ITPR2: variants seen among roughly 807,000 people sequenced by gnomAD.
ITPR2 encodes the protein inositol 1,4,5-trisphosphate receptor type 2.
Under a neutral mutation model 317.1 loss-of-function variants are expected in ITPR2, and 207 were observed. The ratio of observed to expected loss-of-function variants is 0.65; its 90% CI spans 0.58 to 0.73. The LOEUF (loss-of-function observed/expected upper bound fraction) is 0.73. Ranked by LOEUF, ITPR2 falls within the 30% of genes least tolerant of loss-of-function variation. ITPR2 has a pLI of 0.00. For synonymous variants in ITPR2, 1,156 were observed against 1,149.1 expected, an observed-to-expected ratio of 1.01 and a Z score of -0.12; for missense variants, 2,613 against 3,284.0, an observed-to-expected ratio of 0.80 and a Z score of 4.99.
intron 52 of ITPR2, among the ~76,000 whole-genome samples, chr12:26,401,493 T>C (rs1940175550): frequency 6.6e-6 from 1 of 152,202 alleles, no homozygotes; most frequent in Admixed American, 6.5e-5. Context: ...TTAAAGGTAT[T>C]GGGATCCAAC....
At chr12:26,632,268 A>C (rs889306839) in intron 21 of ITPR2, among the ~76,000 whole-genome samples, 1 of 152,242 alleles carries the variant, frequency 6.6e-6, no homozygotes, top group Non-Finnish European at 1.5e-5. Context: ...TTAAAAATGG[A>C]AATTTTCCTT....
At position 26,657,695 on chromosome 12, in the gene ITPR2, A is replaced by G. The variant is rs1392272449; in HGVS notation, c.2192+12T>C. On this transcript the variant is annotated intron_variant, in intron 18 of 56. Transcript: ENST00000381340. Reference sequence around the variant, plus strand: ...ACTGGGAATTATTGTAAGATTGTCTATAATACTTAACCTGTAATAGGTAAG... The same window carrying G: ...ACTGGGAATTATTGTAAGATTGTCTGTAATACTTAACCTGTAATAGGTAAG... 1.2e-5 allele frequency: 19 copies of G among 1,609,408 alleles called. No individual in the cohort carries two copies. The South Asian group carries it at 1.7e-4, about 14-fold the overall frequency.
chr12:26,792,337 A>G (rs1290227359), intron 1 of ITPR2, among the ~76,000 whole-genome samples: 1 of 151,724 alleles, frequency 6.6e-6, no homozygotes. Context: ...CTGTTACAAG[A>G]CATATATGAT....
rs114631050 is a variant in ITPR2, at chr12:26,740,608, T to G, written c.164-14843A>C. Among the ~76,000 whole-genome samples, 217 of 152,108 alleles carry G rather than the reference T, an allele frequency of 1.4e-3. 1 individual carries two copies. The highest frequency in any genetic ancestry group is 4.7e-3 in the African/African-American group (196 of 41,550). On this transcript the variant is annotated intron_variant, in intron 2 of 56. Coordinates refer to ENST00000381340, the MANE Select transcript of ITPR2 (RefSeq NM_002223.4). The stretch of plus-strand genomic sequence containing the variant: ...TGCTTTTATAGACTTCAATAAAAAC[T>G]CAAGGAAGATAAACTATTTACTGTG...
At chr12:26,439,087 A>G (rs756278398) in intron 47 of ITPR2, 40 bp downstream of exon 47, 1 of 1,287,400 alleles carries the variant, frequency 7.8e-7, no homozygotes, top group Non-Finnish European at 1.1e-6. Flanking sequence ...ATTATCTACC[A>G]CTATGCACAA....
chr12:26,785,171 T>TGGG (rs777528638), intron 2 of ITPR2, among the ~76,000 whole-genome samples: 17 of 22,136 alleles, frequency 7.7e-4, no homozygotes, highest in African/African-American at 1.8e-3. Flanking sequence ...GGGAGGGAGG[T>TGGG]GGGGGGGGGT....
chr12:26,707,790 A>G (rs1948579695), intron 9 of ITPR2, among the ~76,000 whole-genome samples: 1 of 152,120 alleles, frequency 6.6e-6, no homozygotes, highest in Non-Finnish European at 1.5e-5. Flanking sequence ...TCAGCCTCCT[A>G]AAGTGCTGGG....
At chr12:26,443,344 TA>T (rs961940192) in intron 46 of ITPR2, among the ~76,000 whole-genome samples, 198 bp downstream of exon 46, 1 of 152,086 alleles carries the variant, frequency 6.6e-6, no homozygotes, top group East Asian at 1.9e-4. Flanking sequence ...ATAGTTTTAG[TA>T]AAAAAAGACA....
At chr12:26,565,492 A>AGATG (rs72327581) in intron 34 of ITPR2, among the ~76,000 whole-genome samples, 11 of 86,794 alleles carry the variant, frequency 1.3e-4, no homozygotes, top group African/African-American at 3.2e-4. Context: ...GATGATAGAT[A>AGATG]GATAGATAGA....
At chr12:26,810,275 T>C (rs1208679726) in intron 1 of ITPR2, among the ~76,000 whole-genome samples, 1 of 152,250 alleles carries the variant, frequency 6.6e-6, no homozygotes, top group East Asian at 1.9e-4. Context: ...CAGTGAATGG[T>C]TGCCTCAAAT....
intron 37 of ITPR2, among the ~76,000 whole-genome samples, chr12:26,515,690 G>A (rs1378708304): frequency 6.6e-6 from 1 of 151,968 alleles, no homozygotes; most frequent in East Asian, 1.9e-4. Context: ...TGGCCGAGCC[G>A]CATCCCCAAG....
chr12:26,682,591 T>G lies in ITPR2; in HGVS notation c.1231A>C (p.Arg411=). 3 of 1,608,144 alleles carry G rather than the reference T, an allele frequency of 1.9e-6. No homozygotes were observed. Among genetic ancestry groups the G allele is most frequent in the Non-Finnish European group, 2.6e-6 (3 of 1,176,020 alleles). The change falls in exon 12 of 57, where the codon AGG becomes CGG. Residue 411 remains arginine (R), a synonymous_variant. Coordinates refer to ENST00000381340, the MANE Select transcript of ITPR2 (RefSeq NM_002223.4). ...TSIPIDTDEE[R]PVMLKIGTCQ... ...ACATTTACCTTTAACATAACAGGCC[T>G]CTCTTCATCTGTGTCTATGGGGATA... is the stretch of plus-strand genomic sequence containing the variant.
chr12:26,352,045 AT>A (rs2136560995), intron 55 of ITPR2, among the ~76,000 whole-genome samples: 1 of 152,314 alleles, frequency 6.6e-6, no homozygotes, highest in Non-Finnish European at 1.5e-5. Flanking sequence ...GCTGCCCACA[AT>A]CTGAAGCTCC....
chr12:26,618,581 A>G (rs1408188791), intron 26 of ITPR2, among the ~76,000 whole-genome samples: 1 of 152,230 alleles, frequency 6.6e-6, no homozygotes, highest in Non-Finnish European at 1.5e-5. Flanking sequence ...CTCATACACT[A>G]GTGGAGGGAA....
In ITPR2 at chr12:26,650,043, G is replaced by T. The variant is rs145498561; in HGVS notation, c.2740+3933C>A. 5.8e-3 allele frequency among the ~76,000 whole-genome samples: 877 copies of T among 151,898 alleles called. 6 individuals carry two copies. Among genetic ancestry groups the T allele is most frequent in the African/African-American group, 0.02 (841 of 41,466 alleles). On this transcript the variant is annotated intron_variant, in intron 21 of 56. Coordinates refer to ENST00000381340, the MANE Select transcript of ITPR2 (RefSeq NM_002223.4). ...TGTAGTAATTCTTCAATACATTCTTGTTAAATAAATTAATAAATTATTATC... is the reference window on the plus strand; with the variant it reads ...TGTAGTAATTCTTCAATACATTCTTTTTAAATAAATTAATAAATTATTATC...
intron 2 of ITPR2, among the ~76,000 whole-genome samples, chr12:26,775,457 T>C (rs1949943070): frequency 6.6e-6 from 1 of 152,080 alleles, no homozygotes; most frequent in Admixed American, 6.5e-5. Context: ...CGAAACAGAA[T>C]CCAGAGATGC....
intron 1 of ITPR2, among the ~76,000 whole-genome samples, chr12:26,811,405 T>C (rs535241742): frequency 6.6e-6 from 1 of 151,520 alleles, no homozygotes; most frequent in Admixed American, 6.6e-5. Context: ...GGTCAGGAGA[T>C]CGAGACCATC....
At chr12:26,685,956 C>T (rs1028355030) in intron 11 of ITPR2, among the ~76,000 whole-genome samples, 1 of 152,140 alleles carries the variant, frequency 6.6e-6, no homozygotes, top group African/African-American at 2.4e-5. Flanking sequence ...TATTACCTGA[C>T]CTTATATTAA....
At chr12:26,810,547 C>T (rs1950717295) in intron 1 of ITPR2, among the ~76,000 whole-genome samples, 4 of 152,200 alleles carry the variant, frequency 2.6e-5, no homozygotes, top group Admixed American at 2.6e-4. Context: ...CTTGGCAGTC[C>T]AGGGCTGTCG....
Sources: gnomAD v4.1 joint callset for allele counts (sites outside exome capture counted in the v4.1 genomes callset) on GRCh38, gnomAD v4.1.1 for gene constraint, MANE v1.5 for transcripts, NCBI Gene and HGNC (gene_info 2026-07-23, HGNC 2026-07-21) for gene names.